USH2A: variants seen among roughly 807,000 people sequenced by gnomAD.
USH2A encodes the protein usherin.
A neutral mutation model predicts 538.9 loss-of-function variants in USH2A; 443 were observed. The ratio of observed to expected loss-of-function variants is 0.82; its 90% CI spans 0.76 to 0.89. The LOEUF is 0.89. Among genes scored for constraint, USH2A ranks in the 40% least tolerant of loss-of-function variants. The probability of loss-of-function intolerance (pLI) is 0.00; values close to 1 mark genes in which losing one functional copy is unlikely to be tolerated. For missense variants in USH2A, 6,633 were observed against 6,324.8 expected (o/e 1.05, Z -1.65); for synonymous variants, 2,413 against 2,273.5 (o/e 1.06, Z -1.75).
In USH2A at chr1:215,674,989, G is replaced by T. The variant is rs1281736455; in HGVS notation, c.12922C>A (p.Pro4308Thr). The change falls in exon 63 of 72, where the codon CCT (proline) becomes ACT (threonine). Residue 4308 changes from proline (P) to threonine (T), a missense_variant. Coordinates refer to ENST00000307340, the MANE Select transcript of USH2A (RefSeq NM_206933.4). ...AAAGTCACAGGATCAAAGCTAAAAG[G>T]ATAGAGCATTTCATTCCTTTGAAGC... is the stretch of plus-strand genomic sequence containing the variant. ...YRLQRNEMLYPFSFDPVTFNY... is the reference protein window; with the variant it reads ...YRLQRNEMLYTFSFDPVTFNY... 6.2e-7 allele frequency: 1 copy of T among 1,614,198 alleles called. No homozygotes were observed. Among genetic ancestry groups the T allele is most frequent in the Admixed American group, 1.7e-5 (1 of 60,024 alleles).
chr1:216,093,675 ATT>A (rs1212141078), intron 22 of USH2A, among the ~76,000 whole-genome samples: 1 of 152,136 alleles, frequency 6.6e-6, no homozygotes, highest in Admixed American at 6.5e-5. Context: ...TGGGGAAATC[ATT>A]TTTGGATTAA....
Position 216,149,966 on chromosome 1 carries a change from C to G in USH2A, c.4627+25286G>C, listed in dbSNP as rs367673766. 9.9e-5 allele frequency among the ~76,000 whole-genome samples: 15 copies of G among 152,232 alleles called. No individual in the cohort carries two copies. In the East Asian group the frequency reaches 2.7e-3, roughly 28 times the overall value. The stretch of plus-strand genomic sequence containing the variant: ...AGTCGCAAGTACTCTCCCCCACTTC[C>G]CTTAAACTCACTCGTATTTCTGAAG... On this transcript the variant is annotated intron_variant, in intron 21 of 71. Coordinates refer to ENST00000307340, the MANE Select transcript of USH2A (RefSeq NM_206933.4).
intron 9 of USH2A, among the ~76,000 whole-genome samples, chr1:216,307,619 G>A (rs1026561301): frequency 2.0e-4 from 31 of 152,266 alleles, no homozygotes; most frequent in African/African-American, 5.8e-4. Context: ...GCATTCAGTC[G>A]AAATTGTTAC....
At chr1:215,919,866 C>T (rs1666052233) in intron 38 of USH2A, among the ~76,000 whole-genome samples, 1 of 151,984 alleles carries the variant, frequency 6.6e-6, no homozygotes, top group Admixed American at 6.6e-5. Context: ...AGCCTGCATC[C>T]AGTCACTAGT....
chr1:216,388,329 A>G (rs991739419), intron 3 of USH2A, among the ~76,000 whole-genome samples: 2 of 152,190 alleles, frequency 1.3e-5, no homozygotes, highest in African/African-American at 4.8e-5. Context: ...AGCAATACTT[A>G]AGGATCTTCT....
At chr1:215,720,166 C>G (rs2102706136) in intron 61 of USH2A, among the ~76,000 whole-genome samples, 1 of 148,834 alleles carries the variant, frequency 6.7e-6, no homozygotes, top group South Asian at 2.3e-4. Flanking sequence ...ATGAGAAGAT[C>G]CAAGTTCATA....
At chr1:216,083,364 C>A in intron 26 of USH2A, 92 bp downstream of exon 26, 2 of 1,383,296 alleles carry the variant, frequency 1.4e-6, no homozygotes, top group South Asian at 2.8e-5. Context: ...TGTAAAGAAA[C>A]CCCAATTAAG....
intron 61 of USH2A, among the ~76,000 whole-genome samples, chr1:215,696,622 T>C (rs1228124983): frequency 6.6e-6 from 1 of 152,244 alleles, no homozygotes; most frequent in Non-Finnish European, 1.5e-5. Flanking sequence ...GGTTGGTTGT[T>C]GGCTATGCAA....
At chr1:215,836,778 G>C (rs895962109) in intron 47 of USH2A, among the ~76,000 whole-genome samples, 11 of 148,912 alleles carry the variant, frequency 7.4e-5, no homozygotes, top group African/African-American at 2.5e-4. Flanking sequence ...GGATGGTCTC[G>C]ATCTCCTGAG....
chr1:215,782,985 A>G (rs1234852419), intron 52 of USH2A, 50 bp from the exon 53 acceptor site: 4 of 1,548,854 alleles, frequency 2.6e-6, no homozygotes, highest in Non-Finnish European at 3.5e-6. Flanking sequence ...TTCATTTTTT[A>G]ACCATCATAT....
At chr1:215,824,502 T>C (rs912363522) in intron 47 of USH2A, among the ~76,000 whole-genome samples, 1 of 152,098 alleles carries the variant, frequency 6.6e-6, no homozygotes, top group Non-Finnish European at 1.5e-5. Context: ...ATCCTGGTAG[T>C]GTGAGGAGGC....
At chr1:215,645,412 C>A (rs1656814526) in intron 67 of USH2A, among the ~76,000 whole-genome samples, 1 of 152,158 alleles carries the variant, frequency 6.6e-6, no homozygotes, top group South Asian at 2.1e-4. Flanking sequence ...GGCCACGTCA[C>A]TGTCTAACTC....
intron 3 of USH2A, among the ~76,000 whole-genome samples, chr1:216,389,128 T>C (rs1176807964): frequency 1.3e-5 from 2 of 152,196 alleles, no homozygotes; most frequent in African/African-American, 4.8e-5. Context: ...TATCATCGCA[T>C]GCTTCAGTAT....
At chr1:216,232,966 C>T (rs531945338) in intron 13 of USH2A, among the ~76,000 whole-genome samples, 1 of 152,222 alleles carries the variant, frequency 6.6e-6, no homozygotes, top group South Asian at 2.1e-4. Context: ...ATAGCAAAAC[C>T]CAGGTTTACA....
chr1:215,887,442 A>C (rs1665089335), intron 41 of USH2A, among the ~76,000 whole-genome samples: 1 of 152,178 alleles, frequency 6.6e-6, no homozygotes, highest in South Asian at 2.1e-4. Context: ...TACATTGCTC[A>C]GTTCATACAA....
chr1:216,172,610 G>T (rs1411130299), intron 21 of USH2A, among the ~76,000 whole-genome samples: 1 of 151,982 alleles, frequency 6.6e-6, no homozygotes, highest in Non-Finnish European at 1.5e-5. Context: ...TAACACTTCA[G>T]CCCATTTCAC....
At chr1:215,760,531 A>G (rs1660951475) in intron 56 of USH2A, among the ~76,000 whole-genome samples, 1 of 152,170 alleles carries the variant, frequency 6.6e-6, no homozygotes, top group South Asian at 2.1e-4. Flanking sequence ...TGAGTGTGAG[A>G]CTCAAGAATC....
In USH2A at chr1:216,175,246, A is replaced by G. The variant is rs1425551529; in HGVS notation, c.4627+6T>C. On this transcript the variant is annotated splice_donor_region_variant and intron_variant, in intron 21 of 71. Coordinates refer to ENST00000307340, the MANE Select transcript of USH2A (RefSeq NM_206933.4). The stretch of plus-strand genomic sequence containing the variant: ...TCCTAAATAAAGCAATGTCAAACAC[A>G]CTTACCAGTGAAGTCTGTATTGACT... 6.2e-7 allele frequency: 1 copy of G among 1,613,624 alleles called. No individual in the cohort carries two copies. Among genetic ancestry groups the G allele is most frequent in the Non-Finnish European group, 8.5e-7 (1 of 1,179,766 alleles).
At chr1:216,164,951 G>A (rs938458844) in intron 21 of USH2A, among the ~76,000 whole-genome samples, 1 of 152,094 alleles carries the variant, frequency 6.6e-6, no homozygotes, top group African/African-American at 2.4e-5. Flanking sequence ...CTGGGGGAAT[G>A]ACTTGTGCAA....
Sources: allele counts gnomAD v4.1 joint callset (sites outside exome capture counted in the v4.1 genomes callset), GRCh38; gene constraint gnomAD v4.1.1; transcripts MANE v1.5; gene names NCBI Gene and HGNC (gene_info 2026-07-23, HGNC 2026-07-21).